The following PABPC4L variants were observed in gnomAD, a reference collection of about 807,000 sequenced individuals.
PABPC4L encodes the protein polyadenylate-binding protein 4-like.
For missense variants in PABPC4L, 452 were observed against 451.4 expected, an observed-to-expected ratio of 1.00 and a Z score of -0.01; for synonymous variants, 169 against 164.1, an observed-to-expected ratio of 1.03 and a Z score of -0.23.
At chr4:133,955,152 C>T in the PABPC4L span, among the ~76,000 whole-genome samples, 1 of 151,876 alleles carries the variant, frequency 6.6e-6, no homozygotes, top group Non-Finnish European at 1.5e-5. Flanking sequence ...GCTTATGGAA[C>T]ATTGTGAAAA....
the PABPC4L span, among the ~76,000 whole-genome samples, chr4:133,964,256 T>C: frequency 6.6e-6 from 1 of 151,814 alleles, no homozygotes; most frequent in African/African-American, 2.4e-5. Flanking sequence ...ACAACCTTCC[T>C]AGCTTAAATC....
chr4:134,137,168 T>C, the PABPC4L span, among the ~76,000 whole-genome samples: 1 of 151,994 alleles, frequency 6.6e-6, no homozygotes, highest in African/African-American at 2.4e-5. Flanking sequence ...AACAAAAATT[T>C]CCTTCATTTG....
chr4:134,123,991 G>A, the PABPC4L span, among the ~76,000 whole-genome samples: 2 of 151,994 alleles, frequency 1.3e-5, no homozygotes, highest in Admixed American at 6.6e-5. Flanking sequence ...GTACTTACAA[G>A]GTTTGACCTT....
the PABPC4L span, among the ~76,000 whole-genome samples, chr4:134,070,960 CT>C: frequency 6.6e-6 from 1 of 152,232 alleles, no homozygotes; most frequent in Non-Finnish European, 1.5e-5. Context: ...CATGGCGAGC[CT>C]TGGGAAATGG....
At chr4:133,975,049 A>G in the PABPC4L span, among the ~76,000 whole-genome samples, 1 of 152,284 alleles carries the variant, frequency 6.6e-6, no homozygotes, top group South Asian at 2.1e-4. Context: ...GTACATAAAT[A>G]TTCATAGCAT....
the PABPC4L span, among the ~76,000 whole-genome samples, chr4:134,131,789 G>T: frequency 1.4e-5 from 2 of 142,936 alleles, no homozygotes; most frequent in Non-Finnish European, 3.0e-5. Context: ...CAATTCTGGA[G>T]GCATTATATT....
At chr4:134,098,643 C>T in the PABPC4L span, among the ~76,000 whole-genome samples, 1 of 151,408 alleles carries the variant, frequency 6.6e-6, no homozygotes, top group Admixed American at 6.6e-5. Context: ...TTAATGGGGT[C>T]TTATGAACAT....
the PABPC4L span, among the ~76,000 whole-genome samples, chr4:134,014,917 C>A: frequency 1.3e-5 from 2 of 152,074 alleles, no homozygotes; most frequent in Non-Finnish European, 2.9e-5. Flanking sequence ...TTATCCCCAC[C>A]TGCCCAGTTC....
the PABPC4L span, among the ~76,000 whole-genome samples, chr4:134,043,991 A>T: frequency 6.6e-6 from 1 of 151,066 alleles, no homozygotes; most frequent in East Asian, 2.0e-4. Flanking sequence ...ATGTGTCTCA[A>T]ACGACACCTA....
At chr4:134,126,623 T>C in the PABPC4L span, among the ~76,000 whole-genome samples, 1 of 152,086 alleles carries the variant, frequency 6.6e-6, no homozygotes, top group Non-Finnish European at 1.5e-5. Flanking sequence ...TTTTCCTCTA[T>C]CCTATAAAAC....
the PABPC4L span, among the ~76,000 whole-genome samples, chr4:134,146,278 G>C: frequency 6.6e-6 from 1 of 151,600 alleles, no homozygotes; most frequent in Admixed American, 6.6e-5. Context: ...TATTACTTAT[G>C]ATAGAATAAT....
the PABPC4L span, among the ~76,000 whole-genome samples, chr4:133,956,503 A>T: frequency 6.6e-6 from 1 of 152,250 alleles, no homozygotes; most frequent in East Asian, 1.9e-4. Flanking sequence ...GTACCTTGGC[A>T]TTTGAGAAAA....
In PABPC4L at chr4:134,200,654, T is replaced by C. The variant is rs190531288; in HGVS notation, c.366A>G (p.Gly122=). 2.4e-4 allele frequency: 374 copies of C among 1,551,672 alleles called. No homozygotes were observed. The highest frequency in any genetic ancestry group is 6.1e-4 in the Admixed American group (31 of 50,996). ...KTLYEHFSAF[G]KILSSKVMSD... ...TCATCACCTTGGAGGAAAGGATCTT[T>C]CCAAAAGCTGAAAAATGTTCATAAA... Residue 122 remains glycine, a synonymous_variant, in exon 2 of 2, where the codon GGA becomes GGG. Coordinates refer to ENST00000421491, the MANE Select transcript of PABPC4L (RefSeq NM_001114734.2).
At chr4:133,998,311 A>G in the PABPC4L span, among the ~76,000 whole-genome samples, 2 of 151,876 alleles carry the variant, frequency 1.3e-5, no homozygotes, top group Admixed American at 6.6e-5. Context: ...TGAAGTTCAC[A>G]TTTTCCCATG....
the PABPC4L span, among the ~76,000 whole-genome samples, chr4:134,055,166 C>A: frequency 2.0e-5 from 3 of 151,966 alleles, no homozygotes; most frequent in African/African-American, 7.2e-5. Context: ...TATATTGAAG[C>A]TCTAACCCTC....
At chr4:134,118,305 A>G in the PABPC4L span, among the ~76,000 whole-genome samples, 7 of 151,856 alleles carry the variant, frequency 4.6e-5, no homozygotes, top group Non-Finnish European at 1.0e-4. Flanking sequence ...GGTTCAATTG[A>G]AAATCATGGT....
At chr4:134,063,119 C>A in the PABPC4L span, among the ~76,000 whole-genome samples, 1 of 151,996 alleles carries the variant, frequency 6.6e-6, no homozygotes, top group Admixed American at 6.6e-5. Flanking sequence ...AATTGTCAGA[C>A]CAAGGTCCAG....
chr4:134,115,906 T>C, the PABPC4L span, among the ~76,000 whole-genome samples: 11 of 151,758 alleles, frequency 7.2e-5, no homozygotes, highest in Non-Finnish European at 1.5e-4. Flanking sequence ...ATGGTGTTTT[T>C]ATAGAATTAA....
the PABPC4L span, among the ~76,000 whole-genome samples, chr4:134,050,469 C>G: frequency 6.6e-6 from 1 of 151,964 alleles, no homozygotes; most frequent in Non-Finnish European, 1.5e-5. Flanking sequence ...CTTTGGGAGG[C>G]TGAGGTGGGT....
Sources: gnomAD v4.1 joint callset for allele counts (sites outside exome capture counted in the v4.1 genomes callset) on GRCh38, gnomAD v4.1.1 for gene constraint, MANE v1.5 for transcripts, NCBI Gene and HGNC (gene_info 2026-07-23, HGNC 2026-07-21) for gene names.